ADAMTS13: variants seen among roughly 807,000 people sequenced by gnomAD.
ADAMTS13 encodes A disintegrin and metalloproteinase with thrombospondin motifs 13.
In ADAMTS13, 110 loss-of-function variants were observed where a neutral mutation model predicts 155.1. The observed-to-expected ratio is 0.71, with a 90% CI of 0.61 to 0.83. ADAMTS13 has a LOEUF of 0.83. Among genes scored for constraint, ADAMTS13 ranks in the 40% least tolerant of loss-of-function variants. ADAMTS13 has a pLI of 0.00. For synonymous variants in ADAMTS13, 758 were observed against 756.4 expected (o/e 1.00, Z -0.03); for missense variants, 1,707 against 1,891.7 (o/e 0.90, Z 1.81).
intron 11 of ADAMTS13, among the ~76,000 whole-genome samples, chr9:133,434,328 CAG>C (rs1343304829): frequency 3.3e-5 from 5 of 152,090 alleles, no homozygotes; most frequent in Non-Finnish European, 7.4e-5. Flanking sequence ...TTTTTTTAGA[CAG>C]AGTCTCTCCC....
chr9:133,452,153 C>T (rs1228954428), intron 23 of ADAMTS13, among the ~76,000 whole-genome samples: 1 of 151,040 alleles, frequency 6.6e-6, no homozygotes, highest in Non-Finnish European at 1.5e-5. Flanking sequence ...TTCTCTGTCA[C>T]CCAGGGTGGG....
In ADAMTS13 at chr9:133,443,415, T is replaced by G. The variant is rs587639501; in HGVS notation, c.2274T>G (p.Cys758Trp). The G allele has an allele frequency of 6.3e-7, 1 of 1,599,284 alleles. No individual in the cohort carries two copies. Among genetic ancestry groups the G allele is most frequent in the Admixed American group, 1.7e-5 (1 of 59,480 alleles). Residue 758 changes from cysteine to tryptophan, a missense_variant, in exon 19 of 29, where the codon TGT becomes TGG. Cys to Trp is a radical substitution (Grantham distance 215). Coordinates refer to ENST00000355699, the MANE Select transcript of ADAMTS13 (RefSeq NM_139027.6). ...VGDFGPCSASCGGGLRERPVR... is the reference protein window; with the variant it reads ...VGDFGPCSASWGGGLRERPVR... ...ACTTCGGCCCATGCAGCGCCTCCTGTGGGGGTGGCCTGCGGGAGCGGCCAG... is the reference window on the plus strand; with the variant it reads ...ACTTCGGCCCATGCAGCGCCTCCTGGGGGGGTGGCCTGCGGGAGCGGCCAG...
chr9:133,437,554 A>T (rs1484905004), intron 12 of ADAMTS13, among the ~76,000 whole-genome samples, 195 bp from the exon 13 acceptor site: 3 of 152,172 alleles, frequency 2.0e-5, no homozygotes, highest in Non-Finnish European at 2.9e-5. Context: ...CATTGCGCCC[A>T]GCCTTGGTTC....
Position 133,456,421 on chromosome 9 carries a change from T to G in ADAMTS13, c.3548-122T>G. ...AGATTAAGTGATGTGCCCAGTTACT[T>G]AGAGTCACATAGCCAGCAGTGGGAG... On this transcript the variant is annotated intron_variant, in intron 26 of 28. Transcript: ENST00000355699. The surrounding 1 kb of genome is among the most constrained non-coding windows in gnomAD (Gnocchi z 4.4). The G allele has an allele frequency of 7.1e-7, 1 of 1,405,008 alleles. No individual in the cohort carries two copies. Among genetic ancestry groups the G allele is most frequent in the Non-Finnish European group, 9.8e-7 (1 of 1,023,200 alleles). 87.0% of individuals were successfully genotyped at this position (1,405,008 alleles called of 1,614,324 possible).
At chr9:133,422,857 G>A (rs1195919754) in intron 1 of ADAMTS13, among the ~76,000 whole-genome samples, 1 of 150,116 alleles carries the variant, frequency 6.7e-6, no homozygotes, top group Non-Finnish European at 1.5e-5. Flanking sequence ...CTCCTTCTTG[G>A]TTGGCCTCAC....
intron 13 of ADAMTS13, 98 bp downstream of exon 13, chr9:133,437,995 G>A: frequency 6.3e-7 from 1 of 1,589,958 alleles, no homozygotes; most frequent in Non-Finnish European, 8.6e-7. Flanking sequence ...TGATGGAGCT[G>A]CAGTGCCCTC....
Position 133,456,615 on chromosome 9 carries a change from G to C in ADAMTS13, c.3620G>C (p.Ser1207Thr). The change falls in exon 27 of 29, where the codon AGC becomes ACC. Residue 1207 changes from serine (S) to threonine (T), a missense_variant. Ser to Thr is a moderately conservative substitution (Grantham distance 58). Transcript: ENST00000355699. The surrounding 1 kb of genome is among the most constrained non-coding windows in gnomAD (Gnocchi z 4.4). ...AGGAAGCTGTTGGACATGACTTTCA[G>C]CTCCAAGACCAACACGCTGGTGGTG... Reference protein sequence around the residue: ...MCRKLLDMTFSSKTNTLVVRQ... With the variant: ...MCRKLLDMTFTSKTNTLVVRQ... 6.2e-7 allele frequency: 1 copy of C among 1,612,824 alleles called. No individual in the cohort carries two copies. Among genetic ancestry groups the C allele is most frequent in the Non-Finnish European group, 8.5e-7 (1 of 1,179,692 alleles).
chr9:133,426,292 C>T lies in ADAMTS13; in HGVS notation c.633C>T (p.Thr211=), dbSNP rs782534418. 18 of 1,608,860 alleles carry T rather than the reference C, an allele frequency of 1.1e-5. No individual in the cohort carries two copies. Among genetic ancestry groups the T allele is most frequent in the African/African-American group, 4.0e-5 (3 of 75,050 alleles). ...ACSPTWSCLI[T]EDTGFDLGVT... ...CCCCAACCTGGAGCTGCCTCATTAC[C>T]GAGGACACTGGCTTCGACCTGGGAG... Residue 211 remains threonine, a synonymous_variant, in exon 6 of 29, where the codon ACC becomes ACT. Transcript: ENST00000355699.
Position 133,430,038 on chromosome 9 carries a change from C to A in ADAMTS13, c.924C>A (p.Asn308Lys). The change falls in exon 8 of 29, where the codon AAC becomes AAA. Residue 308 changes from asparagine to lysine, a missense_variant. Transcript: ENST00000355699. ...AGCCTGGCCTCTACTACAGCGCCAA[C>A]GAGCAGTGCCGCGTGGCCTTCGGCC... ...DAQPGLYYSANEQCRVAFGPK... is the reference protein window; with the variant it reads ...DAQPGLYYSAKEQCRVAFGPK... The A allele has an allele frequency of 6.3e-7, 1 of 1,595,352 alleles. No individual in the cohort carries two copies. Among genetic ancestry groups the A allele is most frequent in the Non-Finnish European group, 8.5e-7 (1 of 1,176,128 alleles).
chr9:133,430,076 C>T lies in ADAMTS13; in HGVS notation c.962C>T (p.Ala321Val). 6.3e-7 allele frequency: 1 copy of T among 1,593,674 alleles called. No homozygotes were observed. The highest frequency in any genetic ancestry group is 8.5e-7 in the Non-Finnish European group (1 of 1,175,754). Residue 321 changes from alanine (A) to valine (V), a missense_variant, in exon 8 of 29, where the codon GCC becomes GTC. By Grantham distance (64) the Ala-to-Val change is moderately conservative. Coordinates refer to ENST00000355699, the MANE Select transcript of ADAMTS13 (RefSeq NM_139027.6). ...CRVAFGPKAV[A>V]CTFAREHLDM... ...GTGGCCTTCGGCCCCAAGGCTGTCG[C>T]CTGCACCTTCGCCAGGGAGCACCTG...
rs1377662609 is a variant in ADAMTS13 at position 133,425,708 on chromosome 9, A to G, written c.414+96A>G. ...TTAACCTCTTGTCCCGGATGCCCCA[A>G]GCAGCATGGATCACAGAATGCATTC... On this transcript the variant is annotated intron_variant, in intron 4 of 28. Transcript: ENST00000355699. This position sits in a 1 kb window ranked among gnomAD's most constrained non-coding sequence, Gnocchi z 4.6. The G allele has an allele frequency of 6.9e-7, 1 of 1,451,280 alleles. No homozygotes were observed. Among genetic ancestry groups the G allele is most frequent in the African/African-American group, 1.4e-5 (1 of 71,054 alleles). The allele number at this position is 1,451,280 out of a possible 1,614,324, so 89.9% of individuals were successfully genotyped here.
At chr9:133,446,400 T>C (rs2130897374) in intron 21 of ADAMTS13, among the ~76,000 whole-genome samples, 1 of 152,332 alleles carries the variant, frequency 6.6e-6, no homozygotes, top group East Asian at 1.9e-4. Flanking sequence ...GATTCCACAA[T>C]TCTAGGGACC....
chr9:133,442,624 G>A lies in ADAMTS13; in HGVS notation c.2115G>A (p.Trp705Ter), dbSNP rs782400086. The change falls in exon 18 of 29, where the codon TGG (tryptophan) becomes TGA (stop). Residue 705 changes from tryptophan (W) to a stop codon, truncating the protein, a stop_gained. Transcript: ENST00000355699. LOFTEE classifies it high-confidence loss of function. ...CCTCTTCCCTCCCAGGGCTGCGCTG[G>A]GTAAACTACAGCTGCCTGGACCAGG... ...CSVSCGAGLR[W>*]VNYSCLDQAR... The A allele has an allele frequency of 6.2e-7, 1 of 1,613,256 alleles. No homozygotes were observed. The highest frequency in any genetic ancestry group is 8.5e-7 in the Non-Finnish European group (1 of 1,180,002).
At chr9:133,452,088 G>A (rs896310757) in intron 23 of ADAMTS13, among the ~76,000 whole-genome samples, 1 of 150,510 alleles carries the variant, frequency 6.6e-6, no homozygotes, top group South Asian at 2.1e-4. Flanking sequence ...TAGAATCTAT[G>A]TCTGGGCTTT....
intron 2 of ADAMTS13, among the ~76,000 whole-genome samples, chr9:133,423,619 C>T (rs372722220): frequency 4.6e-5 from 7 of 152,344 alleles, no homozygotes; most frequent in Admixed American, 1.3e-4. Context: ...TGACCTTCTC[C>T]GGTGCGAGCC....
chr9:133,426,143 C>T (rs942368899), intron 5 of ADAMTS13, 56 bp from the exon 6 acceptor site: 120 of 1,613,844 alleles, frequency 7.4e-5, no homozygotes, highest in Middle Eastern at 3.3e-4. Context: ...GCAAAGGTGA[C>T]CCCAGGGCAG....
intron 13 of ADAMTS13, 59 bp from the exon 14 acceptor site, chr9:133,438,187 G>T (rs1267721927): frequency 2.5e-5 from 40 of 1,613,552 alleles, no homozygotes; most frequent in Non-Finnish European, 3.2e-5. Context: ...CAGGGCTGCA[G>T]AGTCATTGAG....
At position 133,434,593 on chromosome 9, in the gene ADAMTS13, G is replaced by A. The variant is rs587632476; in HGVS notation, c.1308+889G>A. 3.3e-5 allele frequency among the ~76,000 whole-genome samples: 5 copies of A among 152,248 alleles called. No homozygotes were observed. The South Asian group carries it at 1.0e-3, about 32-fold the overall frequency. ...GTGCTGGGATTACAGGTGTCACTGC[G>A]CCTGGCCGAAGGAGTCTTTTATTTA... On this transcript the variant is annotated intron_variant, in intron 11 of 28. Transcript: ENST00000355699.
Position 133,443,405 on chromosome 9 carries a change from G to T in ADAMTS13, c.2264G>T (p.Ser755Ile). ...YWAVGDFGPC[S>I]ASCGGGLRER... ...GCGGTGGGAGACTTCGGCCCATGCA[G>T]CGCCTCCTGTGGGGGTGGCCTGCGG... The change falls in exon 19 of 29, where the codon AGC becomes ATC. Residue 755 changes from serine to isoleucine, a missense_variant. This residue lies in a region of ADAMTS13 where 961 missense variants were observed against 1,107.9 expected (regional missense o/e 0.87). Transcript: ENST00000355699. The T allele has an allele frequency of 6.3e-7, 1 of 1,599,112 alleles. No homozygotes were observed.
Sources: gnomAD v4.1 joint callset for allele counts (sites outside exome capture counted in the v4.1 genomes callset) on GRCh38, gnomAD v4.1.1 for gene constraint, gnomAD v4.1.1 regional missense constraint, Gnocchi (gnomAD v3.1) non-coding constraint, MANE v1.5 for transcripts, NCBI Gene and HGNC (gene_info 2026-07-23, HGNC 2026-07-21) for gene names.